Variants in ZNG1A observed in about 807,000 individuals in gnomAD.
ZNG1A encodes zinc-regulated GTPase metalloprotein activator 1A.
the ZNG1A span, chr9:163,894 C>T: frequency 3.1e-6 from 4 of 1,308,268 alleles, no homozygotes; most frequent in Non-Finnish European, 4.3e-6. Context: ...TCCATGCACT[C>T]CAGTCTGGGC....
At chr9:124,876 G>T in the ZNG1A span, among the ~76,000 whole-genome samples, 15 of 150,296 alleles carry the variant, frequency 1.0e-4, 1 homozygote, top group African/African-American at 3.7e-4. Context: ...CACTGCGAAT[G>T]CCATTAATTC....
the ZNG1A span, chr9:151,286 T>C: frequency 3.1e-6 from 3 of 982,578 alleles, no homozygotes; most frequent in African/African-American, 3.6e-5. Context: ...ATCTCTGCCA[T>C]AGCAGACAAG....
chr9:171,685 G>C, the ZNG1A span: 4,244 of 250,626 alleles, frequency 0.017, 265 homozygotes, highest in African/African-American at 0.099. Context: ...ACCATTTTAT[G>C]TAAGGGACTT....
the ZNG1A span, among the ~76,000 whole-genome samples, chr9:175,276 G>A: frequency 6.6e-6 from 1 of 151,766 alleles, no homozygotes; most frequent in Non-Finnish European, 1.5e-5. Context: ...TACTCAGGAG[G>A]CTGAGGCAGG....
At chr9:139,342 G>T in the ZNG1A span, among the ~76,000 whole-genome samples, 2 of 149,378 alleles carry the variant, frequency 1.3e-5, no homozygotes, top group Non-Finnish European at 3.0e-5. Context: ...GTGTAGAATG[G>T]TGGATGCCAG....
At chr9:159,564 T>A in the ZNG1A span, among the ~76,000 whole-genome samples, 1 of 152,008 alleles carries the variant, frequency 6.6e-6, no homozygotes, top group Admixed American at 6.6e-5. Context: ...TATACCTCAA[T>A]AAAGCTGGGG....
chr9:158,836 A>C, the ZNG1A span, among the ~76,000 whole-genome samples: 1 of 152,046 alleles, frequency 6.6e-6, no homozygotes, highest in Non-Finnish European at 1.5e-5. Flanking sequence ...AAGCCATACA[A>C]ACATTTAAAA....
the ZNG1A span, among the ~76,000 whole-genome samples, chr9:159,841 T>C: frequency 2.6e-5 from 4 of 152,196 alleles, no homozygotes; most frequent in Non-Finnish European, 5.9e-5. Flanking sequence ...TTAAATGGAT[T>C]GGTTACAGAT....
the ZNG1A span, chr9:166,761 A>G: frequency 6.6e-6 from 1 of 152,196 alleles, no homozygotes; most frequent in Admixed American, 6.5e-5. Flanking sequence ...TAAAATATCA[A>G]AAACAGGACA....
chr9:155,663 A>G, the ZNG1A span, among the ~76,000 whole-genome samples: 1 of 152,132 alleles, frequency 6.6e-6, no homozygotes, highest in African/African-American at 2.4e-5. Context: ...GAATACAACT[A>G]AATTCTCAAA....
At chr9:168,066 AGAG>A in the ZNG1A span, among the ~76,000 whole-genome samples, 1 of 97,764 alleles carries the variant, frequency 1.0e-5, no homozygotes, top group Non-Finnish European at 2.0e-5. Context: ...TGAGGAAGCT[AGAG>A]AAGAAAAGTT....
the ZNG1A span, chr9:166,718 A>G: frequency 1.3e-5 from 2 of 152,434 alleles, no homozygotes; most frequent in Non-Finnish European, 2.9e-5. Context: ...CTTAGAGCCT[A>G]TATAACACAA....
At chr9:177,156 T>C in the ZNG1A span, among the ~76,000 whole-genome samples, 4 of 152,184 alleles carry the variant, frequency 2.6e-5, no homozygotes, top group Non-Finnish European at 5.9e-5. Context: ...GTAACATTAG[T>C]TCATTGTGCG....
the ZNG1A span, among the ~76,000 whole-genome samples, chr9:170,093 G>A: frequency 2.1e-5 from 3 of 146,204 alleles, no homozygotes; most frequent in Non-Finnish European, 1.5e-5. Flanking sequence ...TCAGTTTACT[G>A]CAGTGATATG....
the ZNG1A span, chr9:161,724 T>G: frequency 1.5e-6 from 1 of 657,560 alleles, no homozygotes; most frequent in Non-Finnish European, 2.4e-6. Context: ...TAAATGCATT[T>G]TATAAATTAA....
the ZNG1A span, among the ~76,000 whole-genome samples, chr9:127,236 G>A: frequency 6.6e-6 from 1 of 151,946 alleles, no homozygotes; most frequent in East Asian, 1.9e-4. Context: ...TTTCTTTGTT[G>A]ACTTTCTGTC....
the ZNG1A span, chr9:177,962 C>T: frequency 1.4e-6 from 1 of 694,268 alleles, no homozygotes; most frequent in East Asian, 2.9e-5. Flanking sequence ...CGAAGTGGCC[C>T]AAGTCTGTAC....
chr9:140,108 G>A, the ZNG1A span, among the ~76,000 whole-genome samples: 2 of 150,798 alleles, frequency 1.3e-5, 1 homozygote, highest in Non-Finnish European at 2.9e-5. Flanking sequence ...CATTGCCCAG[G>A]CTTGATTAGG....
the ZNG1A span, among the ~76,000 whole-genome samples, chr9:131,913 A>G: frequency 7.2e-6 from 1 of 139,350 alleles, no homozygotes; most frequent in South Asian, 2.4e-4. Flanking sequence ...TCCAGTACCA[A>G]CTCTCCACTA....
Sources: allele counts gnomAD v4.1 joint callset (sites outside exome capture counted in the v4.1 genomes callset), GRCh38; gene constraint gnomAD v4.1.1; transcripts MANE v1.5; gene names NCBI Gene and HGNC (gene_info 2026-07-23, HGNC 2026-07-21).